Variants in LRRC37A2 observed in about 807,000 individuals in gnomAD.
LRRC37A2 encodes the protein leucine-rich repeat-containing protein 37A2.
Under a neutral mutation model 68.8 loss-of-function variants are expected in LRRC37A2, and 9 were observed. The observed-to-expected ratio is 0.13, with a 90% confidence interval of 0.08 to 0.23. The LOEUF is 0.23. Ranked by LOEUF, LRRC37A2 falls within the 10% of genes least tolerant of loss-of-function variation. The probability of loss-of-function intolerance (pLI) is 1.00; values close to 1 mark genes in which losing one functional copy is unlikely to be tolerated. For missense variants in LRRC37A2, 168 were observed against 950.4 expected (o/e 0.18, Z 10.82); for synonymous variants, 63 against 367.6 (o/e 0.17, Z 9.48).
chr17:46,458,445 C>T, the LRRC37A2 span, among the ~76,000 whole-genome samples: 7,529 of 95,024 alleles, frequency 0.079, 532 homozygotes, highest in East Asian at 0.48. Flanking sequence ...TATCTGCTGC[C>T]ACCACAGGGA....
At chr17:47,017,125 T>A in the LRRC37A2 span, 4 of 1,596,836 alleles carry the variant, frequency 2.5e-6, no homozygotes, top group Admixed American at 3.5e-5. Context: ...GTGGCATAAA[T>A]ACAGGTGTCA....
At chr17:46,896,846 C>T in the LRRC37A2 span, among the ~76,000 whole-genome samples, 1 of 152,148 alleles carries the variant, frequency 6.6e-6, no homozygotes, top group Non-Finnish European at 1.5e-5. Flanking sequence ...GAGAAAGTCA[C>T]ACAGCATGGG....
chr17:46,860,662 C>T, the LRRC37A2 span, among the ~76,000 whole-genome samples: 1 of 152,192 alleles, frequency 6.6e-6, no homozygotes, highest in Middle Eastern at 3.2e-3. Context: ...ATCTGCCTTA[C>T]AGCGTCCCAC....
the LRRC37A2 span, chr17:46,872,899 C>A: frequency 8.6e-7 from 1 of 1,164,218 alleles, no homozygotes; most frequent in Non-Finnish European, 1.2e-6. Context: ...CCTTCCTGCC[C>A]TAGCACGGTC....
the LRRC37A2 span, among the ~76,000 whole-genome samples, chr17:46,817,201 C>G: frequency 3.7e-4 from 57 of 152,296 alleles, no homozygotes; most frequent in African/African-American, 1.4e-3. Flanking sequence ...GGTGTGGCCC[C>G]CAAGTCTCGC....
chr17:47,009,971 G>A, the LRRC37A2 span, among the ~76,000 whole-genome samples: 1 of 152,220 alleles, frequency 6.6e-6, no homozygotes, highest in African/African-American at 2.4e-5. Context: ...CGCCGGGAGG[G>A]GACAAGTTGT....
At chr17:46,774,716 TCAA>T in the LRRC37A2 span, among the ~76,000 whole-genome samples, 1 of 152,132 alleles carries the variant, frequency 6.6e-6, no homozygotes, top group African/African-American at 2.4e-5. Context: ...GGTTTTATAG[TCAA>T]CAACAGAAAG....
the LRRC37A2 span, among the ~76,000 whole-genome samples, chr17:46,805,097 G>A: frequency 2.0e-5 from 3 of 152,132 alleles, no homozygotes; most frequent in Admixed American, 1.3e-4. Flanking sequence ...GTGAGACCAC[G>A]AACCCACTGG....
chr17:46,948,282 A>G, the LRRC37A2 span, among the ~76,000 whole-genome samples: 2 of 152,198 alleles, frequency 1.3e-5, no homozygotes, highest in African/African-American at 4.8e-5. Flanking sequence ...TAAAGTGCCT[A>G]CTGCACAGCC....
the LRRC37A2 span, among the ~76,000 whole-genome samples, chr17:46,852,269 G>A: frequency 6.9e-6 from 1 of 144,132 alleles, no homozygotes; most frequent in African/African-American, 2.5e-5. Flanking sequence ...GGAAACCTCG[G>A]ACGGTGAGAG....
At chr17:46,919,859 A>G in the LRRC37A2 span, among the ~76,000 whole-genome samples, 2 of 152,146 alleles carry the variant, frequency 1.3e-5, no homozygotes, top group South Asian at 4.1e-4. Context: ...AGGCAGGAGA[A>G]TTGCTTGAAC....
the LRRC37A2 span, among the ~76,000 whole-genome samples, chr17:46,809,941 G>A: frequency 5.3e-5 from 8 of 151,862 alleles, no homozygotes; most frequent in South Asian, 4.2e-4. Context: ...GGGGCTCTTA[G>A]GTCCATTCTT....
At chr17:46,771,832 G>C in the LRRC37A2 span, among the ~76,000 whole-genome samples, 3 of 143,974 alleles carry the variant, frequency 2.1e-5, no homozygotes, top group Non-Finnish European at 4.6e-5. Context: ...CGCGCGGTGG[G>C]GGGGCGGTGC....
the LRRC37A2 span, among the ~76,000 whole-genome samples, chr17:46,707,220 GT>G: frequency 6.6e-6 from 1 of 152,194 alleles, no homozygotes; most frequent in African/African-American, 2.4e-5. Context: ...TTGCATTTTA[GT>G]TATTAGAGAA....
At chr17:46,457,922 A>G in the LRRC37A2 span, among the ~76,000 whole-genome samples, 1 of 43,718 alleles carries the variant, frequency 2.3e-5, no homozygotes, top group African/African-American at 4.6e-5. Context: ...GAGATTTATC[A>G]TAAGGAAAAC....
At chr17:46,992,690 T>C in the LRRC37A2 span, among the ~76,000 whole-genome samples, 3 of 151,834 alleles carry the variant, frequency 2.0e-5, no homozygotes, top group Admixed American at 2.0e-4. Context: ...CCGTTTATAC[T>C]AAAAATACAA....
chr17:46,938,557 C>T, the LRRC37A2 span: 15 of 1,612,582 alleles, frequency 9.3e-6, no homozygotes, highest in Middle Eastern at 1.6e-4. Context: ...CTTGGTAAAG[C>T]GACTTGATGT....
the LRRC37A2 span, among the ~76,000 whole-genome samples, chr17:47,008,069 A>G: frequency 6.6e-6 from 1 of 152,220 alleles, no homozygotes; most frequent in Non-Finnish European, 1.5e-5. Context: ...AATCAAAATA[A>G]AATGGATTTA....
At chr17:46,744,178 T>C in the LRRC37A2 span, among the ~76,000 whole-genome samples, 3 of 152,252 alleles carry the variant, frequency 2.0e-5, no homozygotes, top group Non-Finnish European at 2.9e-5. Flanking sequence ...TTTTCCCAGC[T>C]AAGTTGTAAC....
Sources: gnomAD v4.1 joint callset for allele counts (sites outside exome capture counted in the v4.1 genomes callset) on GRCh38, gnomAD v4.1.1 for gene constraint, MANE v1.5 for transcripts, NCBI Gene and HGNC (gene_info 2026-07-23, HGNC 2026-07-21) for gene names.